RAB27B: variants seen among roughly 807,000 people sequenced by gnomAD.
RAB27B encodes the protein ras-related protein Rab-27B.
RAB27B carries 15 observed loss-of-function variants against 24.6 expected under a neutral mutation model. That is an observed-to-expected ratio of 0.61 (90% CI 0.41 to 0.94). The LOEUF is 0.94. RAB27B is among the 40% of genes least tolerant of loss of function. The probability of loss-of-function intolerance (pLI) is 0.00; values close to 1 mark genes in which losing one functional copy is unlikely to be tolerated. For synonymous variants in RAB27B, 105 were observed against 92.5 expected (o/e 1.14, Z -0.78); for missense variants, 261 against 266.8 (o/e 0.98, Z 0.15).
chr18:54,841,019 C>T (rs572129346), intron 1 of RAB27B, among the ~76,000 whole-genome samples: 14 of 151,884 alleles, frequency 9.2e-5, no homozygotes, highest in East Asian at 1.9e-4. Flanking sequence ...TGGTGGTGCA[C>T]GCTGTAATCC....
chr18:54,887,927 A>G, intron 4 of RAB27B, 68 bp from the exon 5 acceptor site: 1 of 1,547,356 alleles, frequency 6.5e-7, no homozygotes, highest in East Asian at 2.3e-5. Flanking sequence ...GGAATCTGGA[A>G]TAAGAGCAGT....
chr18:54,837,908 T>C (rs565288949), intron 1 of RAB27B, among the ~76,000 whole-genome samples: 1 of 152,230 alleles, frequency 6.6e-6, no homozygotes, highest in South Asian at 2.1e-4. Context: ...ATAATTCTTT[T>C]CACCTATGTT....
At chr18:54,805,458 TCAGG>T (rs1909761513) in intron 2 of RAB27B, among the ~76,000 whole-genome samples, 1 of 152,224 alleles carries the variant, frequency 6.6e-6, no homozygotes, top group East Asian at 1.9e-4. Context: ...ATTTAAAATG[TCAGG>T]GTACTTTCTA....
At chr18:54,805,005 T>C (rs1909746421) in intron 2 of RAB27B, among the ~76,000 whole-genome samples, 1 of 151,240 alleles carries the variant, frequency 6.6e-6, no homozygotes, top group Non-Finnish European at 1.5e-5. Context: ...TAGTTTTCTG[T>C]TCCTCTTTTT....
chr18:54,856,842 G>A (rs991901949), intron 1 of RAB27B, among the ~76,000 whole-genome samples: 2 of 152,222 alleles, frequency 1.3e-5, no homozygotes, highest in South Asian at 2.1e-4. Flanking sequence ...TCTGGGGGAA[G>A]ATTAGTATCT....
chr18:54,845,098 C>G (rs894993116), intron 1 of RAB27B, among the ~76,000 whole-genome samples: 1 of 152,018 alleles, frequency 6.6e-6, no homozygotes, highest in South Asian at 2.1e-4. Flanking sequence ...ATGTATTTGT[C>G]TAAGTGTAGG....
chr18:54,870,837 T>G (rs1912434744), intron 1 of RAB27B, among the ~76,000 whole-genome samples: 1 of 152,184 alleles, frequency 6.6e-6, no homozygotes, highest in East Asian at 1.9e-4. Flanking sequence ...TTATGATGTC[T>G]TACATTTGCG....
At chr18:54,839,489 AC>A (rs1477455107) in intron 1 of RAB27B, among the ~76,000 whole-genome samples, 1 of 152,188 alleles carries the variant, frequency 6.6e-6, no homozygotes, top group Non-Finnish European at 1.5e-5. Context: ...TAACCCAATT[AC>A]CAAAATCAGG....
intron 2 of RAB27B, among the ~76,000 whole-genome samples, chr18:54,798,469 C>T (rs1281023809): frequency 6.6e-6 from 1 of 152,238 alleles, no homozygotes; most frequent in Non-Finnish European, 1.5e-5. Flanking sequence ...CTCGGGTGCC[C>T]AGGCTTTCTC....
At chr18:54,885,159 C>T (rs1235215301) in intron 4 of RAB27B, among the ~76,000 whole-genome samples, 2 of 152,126 alleles carry the variant, frequency 1.3e-5, no homozygotes, top group African/African-American at 4.8e-5. Flanking sequence ...GGGCATATTT[C>T]ATTTGTATTT....
chr18:54,887,465 A>G (rs1489931539), intron 4 of RAB27B, among the ~76,000 whole-genome samples: 1 of 152,108 alleles, frequency 6.6e-6, no homozygotes, highest in Non-Finnish European at 1.5e-5. Flanking sequence ...ATTATTATGT[A>G]TGTGTATTAT....
intron 2 of RAB27B, among the ~76,000 whole-genome samples, chr18:54,775,051 GA>G (rs748519746): frequency 3.3e-5 from 5 of 152,184 alleles, no homozygotes; most frequent in Admixed American, 6.5e-5. Flanking sequence ...TGCATCCTGG[GA>G]GGAACTTGGC....
intron 2 of RAB27B, among the ~76,000 whole-genome samples, chr18:54,733,164 G>C (rs894145134): frequency 2.6e-5 from 4 of 152,084 alleles, no homozygotes; most frequent in Non-Finnish European, 5.9e-5. Context: ...TTCTGCCTCA[G>C]CTTCCCAAGT....
intron 2 of RAB27B, among the ~76,000 whole-genome samples, chr18:54,801,375 AAAAAC>A (rs1415374474): frequency 6.6e-6 from 1 of 152,102 alleles, no homozygotes; most frequent in Non-Finnish European, 1.5e-5. Context: ...CATTTATAAA[AAAAAC>A]TATAAAACTG....
rs115400460 is a variant in RAB27B at position 54,746,001 on chromosome 18, G to A, written c.-20+27860G>A. ...GATGCCAATCACAGGATACAGATAT[G>A]CAGGATGCTATGAAAACTGAGAAGG... is the stretch of plus-strand genomic sequence containing the variant. On this transcript the variant is annotated intron_variant, in intron 2 of 4. Coordinates refer to the RAB27B transcript ENST00000586570. 2.9e-3 allele frequency among the ~76,000 whole-genome samples: 438 copies of A among 151,880 alleles called. 4 individuals carry two copies. The highest frequency in any genetic ancestry group is 0.01 in the African/African-American group (419 of 41,306).
At chr18:54,794,926 T>C (rs1423483512) in intron 2 of RAB27B, among the ~76,000 whole-genome samples, 1 of 107,800 alleles carries the variant, frequency 9.3e-6, no homozygotes, top group Non-Finnish European at 2.5e-5. Flanking sequence ...GGTTACTATA[T>C]ATTTGTTACT....
rs372061180 is a variant in RAB27B, at chr18:54,745,121, C to T, written c.-20+26980C>T. 67 of 163,896 alleles carry T rather than the reference C, an allele frequency of 4.1e-4. 1 individual carries two copies. The highest frequency in any genetic ancestry group is 3.2e-3 in the South Asian group (22 of 6,880). 10.2% of individuals were successfully genotyped at this position (163,896 alleles called of 1,614,324 possible). On this transcript the variant is annotated intron_variant, in intron 2 of 4. Transcript: ENST00000586570. Reference sequence around the variant, plus strand: ...AGGAGCTGCGTCTGCTGGTGGTTACCGATCCCAGCCTCTCACACAGGCATC... The same window carrying T: ...AGGAGCTGCGTCTGCTGGTGGTTACTGATCCCAGCCTCTCACACAGGCATC...
At chr18:54,817,700 C>T (rs536759923) in intron 2 of RAB27B, among the ~76,000 whole-genome samples, 42 of 152,006 alleles carry the variant, frequency 2.8e-4, no homozygotes, top group African/African-American at 1.0e-3. Flanking sequence ...CACTGGCATT[C>T]TTGAAGACCC....
intron 2 of RAB27B, among the ~76,000 whole-genome samples, chr18:54,819,548 GAAA>G (rs770260592): frequency 7.5e-5 from 9 of 120,092 alleles, no homozygotes; most frequent in African/African-American, 2.6e-4. Context: ...AAAAAAAAAA[GAAA>G]AAAAAAAGAA....
Sources: gnomAD v4.1 joint callset for allele counts (sites outside exome capture counted in the v4.1 genomes callset) on GRCh38, gnomAD v4.1.1 for gene constraint, MANE v1.5 for transcripts, NCBI Gene and HGNC (gene_info 2026-07-23, HGNC 2026-07-21) for gene names.